FARS2: variants seen among roughly 807,000 people sequenced by gnomAD.
The protein encoded by FARS2 is phenylalanine--tRNA ligase, mitochondrial.
Under a neutral mutation model 46.4 loss-of-function variants are expected in FARS2, and 40 were observed. That is an observed-to-expected ratio of 0.86 (90% CI 0.67 to 1.12). The LOEUF is 1.12. Among genes scored for constraint, FARS2 ranks in the 50% most tolerant of loss-of-function variants. The pLI is 0.00. For synonymous variants in FARS2, 234 were observed against 214.9 expected (o/e 1.09, Z -0.78); for missense variants, 513 against 567.9 (o/e 0.90, Z 0.98).
At chr6:5,507,815 C>T (rs928903315) in intron 4 of FARS2, among the ~76,000 whole-genome samples, 2 of 152,156 alleles carry the variant, frequency 1.3e-5, no homozygotes, top group African/African-American at 4.8e-5. Context: ...AAGCAGAGAG[C>T]AGGGGAGAAG....
intron 6 of FARS2, among the ~76,000 whole-genome samples, chr6:5,684,523 C>T (rs992717257): frequency 7.2e-5 from 11 of 152,178 alleles, no homozygotes; most frequent in African/African-American, 2.4e-4. Context: ...GCAAATGCTG[C>T]GCTTTATTTC....
chr6:5,536,876 C>A (rs1191797288), intron 4 of FARS2, among the ~76,000 whole-genome samples: 1 of 152,194 alleles, frequency 6.6e-6, no homozygotes, highest in East Asian at 1.9e-4. Context: ...ACTTGCCTTA[C>A]AACTTGTTCT....
At chr6:5,745,204 A>G (rs982687006) in intron 6 of FARS2, among the ~76,000 whole-genome samples, 11 of 152,256 alleles carry the variant, frequency 7.2e-5, no homozygotes, top group African/African-American at 1.4e-4. Flanking sequence ...CTCAGGGAAA[A>G]TGGCCCCTAA....
At chr6:5,561,556 C>T (rs1324097722) in intron 5 of FARS2, among the ~76,000 whole-genome samples, 1 of 151,940 alleles carries the variant, frequency 6.6e-6, no homozygotes, top group South Asian at 2.1e-4. Context: ...GATAATAATG[C>T]CTTTTATTTT....
chr6:5,507,921 T>C (rs749957586), intron 4 of FARS2, among the ~76,000 whole-genome samples: 1 of 152,194 alleles, frequency 6.6e-6, no homozygotes, highest in African/African-American at 2.4e-5. Flanking sequence ...TGCCCCGAGG[T>C]AGGAGAAGGT....
intron 1 of FARS2, among the ~76,000 whole-genome samples, chr6:5,316,948 A>G (rs1407383576): frequency 1.3e-5 from 2 of 152,144 alleles, no homozygotes; most frequent in African/African-American, 2.4e-5. Flanking sequence ...TAAGGGGGAA[A>G]AGTAAAGCTG....
At chr6:5,391,740 C>A (rs1403474359) in intron 2 of FARS2, among the ~76,000 whole-genome samples, 1 of 152,098 alleles carries the variant, frequency 6.6e-6, no homozygotes, top group Admixed American at 6.5e-5. Flanking sequence ...TTTCTGTGCC[C>A]TTTAAATGTG....
chr6:5,634,285 C>T (rs1278020664), intron 6 of FARS2, among the ~76,000 whole-genome samples: 1 of 152,114 alleles, frequency 6.6e-6, no homozygotes, highest in South Asian at 2.1e-4. Flanking sequence ...AGATACAAAA[C>T]CAATTATTTT....
In FARS2 at chr6:5,343,009, AGCT is replaced by A. The variant is rs1771765166; in HGVS notation, c.-21-25540_-21-25538del. On this transcript the variant is annotated intron_variant, in intron 1 of 6. Coordinates refer to ENST00000274680, the MANE Select transcript of FARS2 (RefSeq NM_006567.5). This position sits in a 1 kb window ranked among gnomAD's most constrained non-coding sequence, Gnocchi z 4.5. ...TACAGGCCCGTCATCGACAGAAGGC[AGCT>A]AGTGCCTTACAAGAAAACAGACAAA... Among the ~76,000 whole-genome samples the A allele has an allele frequency of 2.0e-5, 3 of 152,328 alleles. No individual in the cohort carries two copies. Among genetic ancestry groups the A allele is most frequent in the South Asian group, 4.1e-4 (2 of 4,828 alleles).
chr6:5,759,041 G>A (rs778037406), intron 6 of FARS2, among the ~76,000 whole-genome samples: 1 of 152,144 alleles, frequency 6.6e-6, no homozygotes, highest in Non-Finnish European at 1.5e-5. Context: ...TGAGCTTGAC[G>A]GGACATGCAG....
chr6:5,670,935 C>T (rs1778423622), intron 6 of FARS2, among the ~76,000 whole-genome samples: 1 of 152,110 alleles, frequency 6.6e-6, no homozygotes. Context: ...TGTGCTCACT[C>T]AAGACTATAT....
At chr6:5,503,405 C>CAGAGAG (rs869089548) in intron 4 of FARS2, among the ~76,000 whole-genome samples, 5 of 39,618 alleles carry the variant, frequency 1.3e-4, no homozygotes, top group African/African-American at 2.6e-4. Flanking sequence ...CACACACACA[C>CAGAGAG]AGAGAGAGAG....
At chr6:5,252,908 T>G in the FARS2 span, among the ~76,000 whole-genome samples, 1 of 152,082 alleles carries the variant, frequency 6.6e-6, no homozygotes, top group Admixed American at 6.5e-5. Context: ...TCTAGACCTT[T>G]CCTATGTGAG....
chr6:5,454,736 T>G (rs2150279810), intron 4 of FARS2, among the ~76,000 whole-genome samples: 1 of 152,278 alleles, frequency 6.6e-6, no homozygotes, highest in Non-Finnish European at 1.5e-5. Flanking sequence ...AGGGTAAAGG[T>G]CCAAATCTGT....
intron 1 of FARS2, among the ~76,000 whole-genome samples, chr6:5,306,239 C>A (rs1768693489): frequency 6.6e-6 from 1 of 152,234 alleles, no homozygotes; most frequent in Non-Finnish European, 1.5e-5. Context: ...ATCTGATGAG[C>A]ACATTTGGTT....
intron 6 of FARS2, among the ~76,000 whole-genome samples, chr6:5,716,889 G>T (rs1170163754): frequency 1.3e-5 from 2 of 152,236 alleles, no homozygotes; most frequent in East Asian, 3.8e-4. Context: ...TCAGCTATCT[G>T]GAGGCTCTCT....
intron 1 of FARS2, among the ~76,000 whole-genome samples, chr6:5,332,771 CA>C (rs1770884577): frequency 6.6e-6 from 1 of 152,082 alleles, no homozygotes; most frequent in African/African-American, 2.4e-5. Context: ...ATATTGTGCC[CA>C]GGGGGTTAGT....
intron 2 of FARS2, among the ~76,000 whole-genome samples, chr6:5,382,200 A>G (rs981995553): frequency 1.3e-5 from 2 of 152,258 alleles, no homozygotes; most frequent in Non-Finnish European, 2.9e-5. Context: ...ATTTCTCACC[A>G]TAAAGATTTT....
chr6:5,751,944 TC>T (rs1302999563), intron 6 of FARS2, among the ~76,000 whole-genome samples: 2 of 152,020 alleles, frequency 1.3e-5, no homozygotes, highest in South Asian at 2.1e-4. Flanking sequence ...AAAATCAAAG[TC>T]CCCCACCAGC....
Sources: gnomAD v4.1 joint callset for allele counts (sites outside exome capture counted in the v4.1 genomes callset) on GRCh38, gnomAD v4.1.1 for gene constraint, Gnocchi (gnomAD v3.1) non-coding constraint, MANE v1.5 for transcripts, NCBI Gene and HGNC (gene_info 2026-07-23, HGNC 2026-07-21) for gene names.